Variants in YAE1 observed in about 807,000 individuals in gnomAD.
YAE1 encodes the protein YAE1 maturation factor of ABCE1, also known as protein YAE1 homolog.
A neutral mutation model predicts 23.0 loss-of-function variants in YAE1; 22 were observed. That is an observed-to-expected ratio of 0.96 (90% CI 0.68 to 1.37). The LOEUF (loss-of-function observed/expected upper bound fraction) is 1.37. Among genes scored for constraint, YAE1 ranks in the 40% most tolerant of loss-of-function variants. The probability of loss-of-function intolerance (pLI) is 0.00; values close to 1 mark genes in which losing one functional copy is unlikely to be tolerated. For synonymous variants in YAE1, 101 were observed against 97.0 expected (o/e 1.04, Z -0.24); for missense variants, 260 against 262.1 (o/e 0.99, Z 0.06).
intron 2 of YAE1, among the ~76,000 whole-genome samples, chr7:39,584,495 T>C (rs536721342): frequency 3.5e-4 from 52 of 150,652 alleles, no homozygotes; most frequent in South Asian, 1.9e-3. Context: ...ATTTTAAATG[T>C]AAACACAGTA....
chr7:39,578,776 A>G (rs1790697875), intron 2 of YAE1, among the ~76,000 whole-genome samples: 1 of 152,244 alleles, frequency 6.6e-6, no homozygotes, highest in Non-Finnish European at 1.5e-5. Context: ...TCATTCTTGA[A>G]GTCAGTGAGA....
chr7:39,601,406 T>G (rs1470637704), intron 2 of YAE1, among the ~76,000 whole-genome samples: 1 of 152,174 alleles, frequency 6.6e-6, no homozygotes, highest in East Asian at 1.9e-4. Flanking sequence ...TAAACAAAGC[T>G]TCTGATTATG....
rs753943185 is a variant in YAE1 at position 39,609,679 on chromosome 7, C to T, written c.314C>T (p.Thr105Met). Residue 105 changes from threonine (T) to methionine (M), a missense_variant, in exon 3 of 3, where the codon ACG (threonine) becomes ATG (methionine). Thr to Met is a moderately conservative substitution (Grantham distance 81). Coordinates refer to the YAE1 transcript ENST00000432096. The stretch of plus-strand genomic sequence containing the variant: ...CCGCTGAGGAGTCCGGAGGTTGGGA[C>T]GCAACTACTGCCGCGTCCCCTCCCG... 2.5e-5 allele frequency: 38 copies of T among 1,535,594 alleles called. 1 individual carries two copies. The South Asian group carries it at 4.2e-4, about 17-fold the overall frequency.
chr7:39,583,755 G>A (rs536139750), intron 2 of YAE1, among the ~76,000 whole-genome samples: 13 of 152,300 alleles, frequency 8.5e-5, no homozygotes, highest in East Asian at 3.9e-4. Flanking sequence ...TGGGGATTAC[G>A]TGCAATTATG....
intron 2 of YAE1, among the ~76,000 whole-genome samples, chr7:39,595,296 T>C (rs1315142962): frequency 6.6e-6 from 1 of 152,180 alleles, no homozygotes; most frequent in Non-Finnish European, 1.5e-5. Context: ...TATTCTGTTT[T>C]TATTGATGAG....
chr7:39,599,757 G>T (rs12701750), intron 2 of YAE1, among the ~76,000 whole-genome samples: 1 of 151,230 alleles, frequency 6.6e-6, no homozygotes, highest in African/African-American at 2.4e-5. Context: ...TTTTTGGGAT[G>T]GAGTCTCCCT....
downstream of YAE1, among the ~76,000 whole-genome samples, chr7:39,611,755 G>C (rs918226446): frequency 2.6e-5 from 4 of 152,116 alleles, no homozygotes; most frequent in Non-Finnish European, 4.4e-5. Context: ...CATTTTACAA[G>C]ATACCTTGTT....
chr7:39,586,727 G>A lies in YAE1; in HGVS notation c.251+16100G>A, dbSNP rs148561377. 8.5e-5 allele frequency among the ~76,000 whole-genome samples: 13 copies of A among 152,166 alleles called. No homozygotes were observed. In the East Asian group the frequency reaches 2.5e-3, roughly 30 times the overall value. ...TTAGCCAGGATGGCCTCCATCTCCT[G>A]ACCTCGTGATCCGCTCACCTCGGCC... On this transcript the variant is annotated intron_variant, in intron 2 of 2. Coordinates refer to the YAE1 transcript ENST00000432096.
chr7:39,598,412 GT>G (rs3038990), intron 2 of YAE1, among the ~76,000 whole-genome samples: 47,328 of 140,866 alleles, frequency 0.34, 8,065 homozygotes, highest in Admixed American at 0.4. Flanking sequence ...CCTGGGCCAA[GT>G]TTTTTTTTTT....
intron 1 of YAE1, among the ~76,000 whole-genome samples, chr7:39,569,001 G>A (rs1410391962): frequency 6.6e-6 from 1 of 152,094 alleles, no homozygotes; most frequent in African/African-American, 2.4e-5. Context: ...ACATGAAACT[G>A]AGAAAAATTA....
intron 2 of YAE1, among the ~76,000 whole-genome samples, chr7:39,588,146 T>C (rs1003860078): frequency 2.0e-5 from 3 of 152,206 alleles, no homozygotes; most frequent in African/African-American, 2.4e-5. Flanking sequence ...GACTATTTAG[T>C]TCTGAAAAGC....
intron 2 of YAE1, among the ~76,000 whole-genome samples, chr7:39,592,061 A>T (rs1562594558): frequency 6.6e-6 from 1 of 152,184 alleles, no homozygotes; most frequent in African/African-American, 2.4e-5. Flanking sequence ...GATATTTCAC[A>T]GTCATTTTAT....
chr7:39,591,621 A>G (rs1790901928), intron 2 of YAE1, among the ~76,000 whole-genome samples: 1 of 151,198 alleles, frequency 6.6e-6, no homozygotes, highest in Non-Finnish European at 1.5e-5. Flanking sequence ...CTCCCCCATT[A>G]TCAACGTCCA....
intron 2 of YAE1, chr7:39,609,469 G>A (rs1791174577): frequency 9.6e-7 from 1 of 1,045,108 alleles, no homozygotes; most frequent in African/African-American, 1.6e-5. Context: ...GGGAGAATGG[G>A]GAAAGTTGGG....
At chr7:39,587,134 G>A (rs908109177) in intron 2 of YAE1, among the ~76,000 whole-genome samples, 1 of 151,558 alleles carries the variant, frequency 6.6e-6, no homozygotes, top group Non-Finnish European at 1.5e-5. Flanking sequence ...TTGGCTCACT[G>A]CAACCTCCGC....
chr7:39,569,647 G>A, intron 1 of YAE1: 1 of 657,506 alleles, frequency 1.5e-6, no homozygotes, highest in East Asian at 3.3e-5. Context: ...GTTGCTAAAG[G>A]AAAAACAGCA....
chr7:39,577,645 C>T (rs1790675252), downstream of YAE1, among the ~76,000 whole-genome samples: 1 of 152,208 alleles, frequency 6.6e-6, no homozygotes, highest in Non-Finnish European at 1.5e-5. Context: ...CCGGTGGGCA[C>T]GGCTCAGAAC....
intron 2 of YAE1, among the ~76,000 whole-genome samples, chr7:39,587,452 A>G (rs1790836581): frequency 6.6e-6 from 1 of 152,158 alleles, no homozygotes. Flanking sequence ...GTACTATTAC[A>G]CCTATATATG....
chr7:39,606,578 C>A (rs544765776), intron 2 of YAE1, among the ~76,000 whole-genome samples: 1 of 152,124 alleles, frequency 6.6e-6, no homozygotes, highest in South Asian at 2.1e-4. Flanking sequence ...GAGGTGGAAC[C>A]GGGTGAATGG....
Sources: gnomAD v4.1 joint callset for allele counts (sites outside exome capture counted in the v4.1 genomes callset) on GRCh38, gnomAD v4.1.1 for gene constraint, MANE v1.5 for transcripts, NCBI Gene and HGNC (gene_info 2026-07-23, HGNC 2026-07-21) for gene names.